CLIP4: variants seen among roughly 807,000 people sequenced by gnomAD.
The protein encoded by CLIP4 is CAP-Gly domain containing linker protein family member 4.
Under a neutral mutation model 73.1 loss-of-function variants are expected in CLIP4, and 47 were observed. The observed-to-expected ratio is 0.64, with a 90% CI of 0.51 to 0.82. The LOEUF (loss-of-function observed/expected upper bound fraction) is 0.82. Ranked by LOEUF, CLIP4 falls within the 40% of genes least tolerant of loss-of-function variation. The pLI, the probability that CLIP4 is intolerant of heterozygous loss-of-function variation, is 0.00. For missense variants in CLIP4, 874 were observed against 852.9 expected (o/e 1.02, Z -0.31); for synonymous variants, 306 against 295.4 (o/e 1.04, Z -0.37).
intron 6 of CLIP4, among the ~76,000 whole-genome samples, chr2:29,136,666 A>T (rs1027801301): frequency 1.3e-5 from 2 of 152,130 alleles, no homozygotes; most frequent in African/African-American, 4.8e-5. Context: ...TGACATCTAA[A>T]TCAAGTGCTT....
At chr2:29,116,936 G>C (rs920070198) in intron 1 of CLIP4, among the ~76,000 whole-genome samples, 3 of 152,174 alleles carry the variant, frequency 2.0e-5, no homozygotes, top group Admixed American at 6.5e-5. Context: ...CTCCAATTTT[G>C]ACACGTGTTT....
At position 29,160,448 on chromosome 2, in the gene CLIP4, G is replaced by T; in HGVS notation, c.1515G>T (p.Gly505=). The part of the protein sequence containing the change: ...GQRLGTIRFF[G]TTNFAPGYWY... ...GACTGGGCACCATTAGGTTCTTTGG[G>T]ACAACAAACTTCGCTCCAGGTAACT... is the stretch of plus-strand genomic sequence containing the variant. Residue 505 remains glycine (G), a synonymous_variant, in exon 12 of 16, where the codon GGG becomes GGT. Transcript: ENST00000320081. 6.2e-7 allele frequency: 1 copy of T among 1,614,052 alleles called. No homozygotes were observed. The highest frequency in any genetic ancestry group is 8.5e-7 in the Non-Finnish European group (1 of 1,179,984).
At chr2:29,155,875 A>C (rs188866970) in intron 9 of CLIP4, among the ~76,000 whole-genome samples, 2 of 152,120 alleles carry the variant, frequency 1.3e-5, no homozygotes, top group Non-Finnish European at 2.9e-5. Context: ...CTCCTTCTTT[A>C]CAGAAGAGTT....
In CLIP4 at chr2:29,102,953, C is replaced by T. The variant is rs557450232; in HGVS notation, c.-16+5006C>T. ...TTTCGGTTCCCACCCTGCCCCAGGA[C>T]CTCAGCACCCTCCCTAAAACTCCCC... On this transcript the variant is annotated intron_variant, in intron 1 of 14. Coordinates refer to the CLIP4 transcript ENST00000401605. Among the ~76,000 whole-genome samples, 7 of 152,196 alleles carry T rather than the reference C, an allele frequency of 4.6e-5. No homozygotes were observed. The South Asian group carries it at 1.5e-3, about 32-fold the overall frequency.
intron 1 of CLIP4, among the ~76,000 whole-genome samples, chr2:29,108,606 C>G (rs1668300899): frequency 6.6e-6 from 1 of 152,172 alleles, no homozygotes; most frequent in Non-Finnish European, 1.5e-5. Flanking sequence ...CCGTACCCAC[C>G]ATTCAGCTTT....
chr2:29,167,631 G>A (rs1293745477), intron 14 of CLIP4, 91 bp downstream of exon 14: 3 of 835,146 alleles, frequency 3.6e-6, no homozygotes, highest in Admixed American at 5.6e-5. Context: ...ATACAAAAGG[G>A]TCTATAAACT....
intron 15 of CLIP4, among the ~76,000 whole-genome samples, chr2:29,179,417 A>T (rs986825792): frequency 2.0e-5 from 3 of 152,120 alleles, no homozygotes; most frequent in African/African-American, 7.2e-5. Flanking sequence ...GCCTTTTCTT[A>T]ATTGCCAGTA....
At chr2:29,136,097 G>A (rs1043821830) in intron 6 of CLIP4, among the ~76,000 whole-genome samples, 1 of 152,036 alleles carries the variant, frequency 6.6e-6, no homozygotes, top group Middle Eastern at 3.4e-3. Flanking sequence ...AATGTTTAAA[G>A]GAAAAGTGTA....
Position 29,174,420 on chromosome 2 carries a change from A to T in CLIP4, c.1771A>T (p.Ile591Phe), listed in dbSNP as rs2148106171. ...STTSASSQKE[I>F]NRRNAFSKSK... ...AACTTCTGCTTCTTCCCAAAAGGAGATTAACAGAAGAAATGCTTTTTCCAA... is the reference window on the plus strand; with the variant it reads ...AACTTCTGCTTCTTCCCAAAAGGAGTTTAACAGAAGAAATGCTTTTTCCAA... Residue 591 changes from isoleucine (I) to phenylalanine (F), a missense_variant, in exon 15 of 16, where the codon ATT (isoleucine) becomes TTT (phenylalanine). By Grantham distance (21) the Ile-to-Phe change is conservative (BLOSUM62 0). Coordinates refer to ENST00000320081, the MANE Select transcript of CLIP4 (RefSeq NM_024692.6). 6.2e-7 allele frequency: 1 copy of T among 1,612,456 alleles called. No homozygotes were observed. Among genetic ancestry groups the T allele is most frequent in the South Asian group, 1.1e-5 (1 of 90,732 alleles).
At chr2:29,151,275 A>G (rs1666546148) in intron 8 of CLIP4, among the ~76,000 whole-genome samples, 1 of 152,160 alleles carries the variant, frequency 6.6e-6, no homozygotes, top group Non-Finnish European at 1.5e-5. Context: ...AATTCTATAA[A>G]GTGGATTAGG....
chr2:29,171,521 C>CT (rs71403652), intron 14 of CLIP4, among the ~76,000 whole-genome samples: 20,127 of 139,940 alleles, frequency 0.14, 1,843 homozygotes, highest in Middle Eastern at 0.22. Context: ...TTAGGTTTTC[C>CT]TTTTTTTTTT....
At chr2:29,160,310 G>C (rs1667202678) in intron 11 of CLIP4, 23 bp from the exon 12 acceptor site, 3 of 1,613,738 alleles carry the variant, frequency 1.9e-6, no homozygotes, top group Non-Finnish European at 2.5e-6. Flanking sequence ...CCCTGCCCCT[G>C]TATCCCTCCC....
intron 1 of CLIP4, among the ~76,000 whole-genome samples, chr2:29,103,148 A>G (rs1161513997): frequency 1.3e-5 from 2 of 152,242 alleles, no homozygotes; most frequent in South Asian, 4.1e-4. Context: ...TACCTTCTCT[A>G]TACAGGGTTG....
intron 1 of CLIP4, among the ~76,000 whole-genome samples, chr2:29,121,119 C>T (rs1664220584): frequency 6.6e-6 from 1 of 152,048 alleles, no homozygotes. Flanking sequence ...AGTGTTTTCA[C>T]CTATTTTATA....
At chr2:29,103,344 A>C (rs1489619565) in intron 1 of CLIP4, among the ~76,000 whole-genome samples, 3 of 151,744 alleles carry the variant, frequency 2.0e-5, no homozygotes, top group Middle Eastern at 3.2e-3. Context: ...TAATGACCCA[A>C]TTTTCTCTGA....
chr2:29,153,858 T>A (rs1371063686), intron 9 of CLIP4, among the ~76,000 whole-genome samples: 1 of 152,116 alleles, frequency 6.6e-6, no homozygotes, highest in Non-Finnish European at 1.5e-5. Flanking sequence ...GTGGAAAACC[T>A]CCTATCTCAT....
chr2:29,133,546 T>C, intron 4 of CLIP4, 109 bp from the exon 5 acceptor site: 1 of 956,166 alleles, frequency 1.0e-6, no homozygotes, highest in Non-Finnish European at 1.6e-6. Context: ...TTGAAGTGTG[T>C]CTATACAGTG....
chr2:29,181,759 A>G lies in CLIP4; in HGVS notation c.1984A>G (p.Lys662Glu). Residue 662 changes from lysine (K) to glutamate (E), a missense_variant, in exon 16 of 16, where the codon AAG (lysine) becomes GAG (glutamate). Coordinates refer to ENST00000320081, the MANE Select transcript of CLIP4 (RefSeq NM_024692.6). ...IWLGLELRSAKGKNDGSVGDK... is the reference protein window; with the variant it reads ...IWLGLELRSAEGKNDGSVGDK... ...GCTTGGACTTGAGCTCCGAAGCGCC[A>G]AGGGAAAAAATGATGGGTCAGTGGG... 1.2e-6 allele frequency: 2 copies of G among 1,614,152 alleles called. No homozygotes were observed. The highest frequency in any genetic ancestry group is 8.5e-7 in the Non-Finnish European group (1 of 1,180,008).
rs1668678935 is a variant in CLIP4 at position 29,182,160 on chromosome 2, G to A, written c.*267G>A. The A allele has an allele frequency of 7.3e-6, 2 of 273,582 alleles. No homozygotes were observed. The highest frequency in any genetic ancestry group is 1.4e-5 in the Non-Finnish European group (2 of 147,516). The allele number at this position is 273,582 out of a possible 1,614,324, so 16.9% of individuals were successfully genotyped here. ...ATTCTGGGACTCAGGAAGAAAAAGT[G>A]CCATCAGGTGACCAGCTGTTGCATT... is the stretch of plus-strand genomic sequence containing the variant. On this transcript the variant is annotated 3_prime_UTR_variant, in exon 16 of 16. Coordinates refer to ENST00000320081, the MANE Select transcript of CLIP4 (RefSeq NM_024692.6).
Sources: allele counts gnomAD v4.1 joint callset (sites outside exome capture counted in the v4.1 genomes callset), GRCh38; gene constraint gnomAD v4.1.1; transcripts MANE v1.5; gene names NCBI Gene and HGNC (gene_info 2026-07-23, HGNC 2026-07-21).